RORA: variants seen among roughly 807,000 people sequenced by gnomAD.
The protein encoded by RORA is nuclear receptor ROR-alpha.
In RORA, 7 loss-of-function variants were observed where a neutral mutation model predicts 69.5. The observed-to-expected ratio is 0.10, with a 90% CI of 0.06 to 0.19. RORA has a LOEUF of 0.19. Ranked by LOEUF, RORA falls within the 10% of genes least tolerant of loss-of-function variation. The pLI is 1.00. For synonymous variants in RORA, 261 were observed against 240.8 expected (o/e 1.08, Z -0.78); for missense variants, 457 against 663.0 (o/e 0.69, Z 3.41).
intron 1 of RORA, among the ~76,000 whole-genome samples, chr15:60,922,680 GA>G (rs1456484810): frequency 3.3e-5 from 5 of 152,154 alleles, no homozygotes; most frequent in African/African-American, 1.2e-4. Context: ...CAATAGATAG[GA>G]AAGCTGTTTA....
intron 1 of RORA, among the ~76,000 whole-genome samples, chr15:60,861,158 G>A (rs2073432588): frequency 6.6e-6 from 1 of 152,114 alleles, no homozygotes; most frequent in South Asian, 2.1e-4. Context: ...ATCCTTATTG[G>A]AATTGACAAT....
chr15:60,510,825 C>A (rs532822526), intron 5 of RORA, among the ~76,000 whole-genome samples: 1 of 151,414 alleles, frequency 6.6e-6, no homozygotes, highest in South Asian at 2.1e-4. Flanking sequence ...AAACTCTGCC[C>A]TGGGCAAAAA....
intron 1 of RORA, among the ~76,000 whole-genome samples, chr15:61,100,839 C>T (rs2078868843): frequency 6.6e-6 from 1 of 152,310 alleles, no homozygotes; most frequent in African/African-American, 2.4e-5. Flanking sequence ...TTAATCACAT[C>T]CCCGGTATGT....
intron 1 of RORA, among the ~76,000 whole-genome samples, chr15:61,203,901 G>A (rs1567036187): frequency 6.6e-6 from 1 of 152,234 alleles, no homozygotes; most frequent in Non-Finnish European, 1.5e-5. Context: ...CCACTGCCAA[G>A]CCGTTGACAA....
At chr15:61,111,946 A>G (rs1302896568) in intron 1 of RORA, among the ~76,000 whole-genome samples, 1 of 152,114 alleles carries the variant, frequency 6.6e-6, no homozygotes, top group East Asian at 1.9e-4. Flanking sequence ...CAATTCAACT[A>G]ATTTATCGAG....
At chr15:60,533,090 A>T (rs1413509698) in intron 2 of RORA, among the ~76,000 whole-genome samples, 1 of 152,232 alleles carries the variant, frequency 6.6e-6, no homozygotes, top group African/African-American at 2.4e-5. Flanking sequence ...GTGATGTTGC[A>T]TTCGATACTT....
intron 1 of RORA, among the ~76,000 whole-genome samples, chr15:60,918,718 G>C (rs76667276): frequency 6.6e-6 from 1 of 152,158 alleles, no homozygotes; most frequent in Non-Finnish European, 1.5e-5. Context: ...GAATGTAGTT[G>C]TGCAGGTTTG....
intron 1 of RORA, among the ~76,000 whole-genome samples, chr15:61,151,934 C>G (rs1372096397): frequency 6.6e-6 from 1 of 152,122 alleles, no homozygotes; most frequent in Non-Finnish European, 1.5e-5. Context: ...TCGCCAGGCC[C>G]ATATCACAAA....
intron 1 of RORA, among the ~76,000 whole-genome samples, chr15:61,064,765 A>G (rs1213105079): frequency 1.3e-5 from 2 of 152,186 alleles, no homozygotes; most frequent in South Asian, 2.1e-4. Context: ...ATGAAAAGCT[A>G]CTGCCCAATC....
chr15:61,229,175 G>C lies in RORA; in HGVS notation c.44C>G (p.Pro15Arg). The C allele has an allele frequency of 6.4e-7, 1 of 1,555,002 alleles. No homozygotes were observed. The highest frequency in any genetic ancestry group is 8.7e-7 in the Non-Finnish European group (1 of 1,151,348). The part of the protein sequence containing the change: ...PAAPDPAASE[P>R]GSSGADAAAG... ...GGCCGCGTCCGCGCCGCTGCTGCCTGGCTCGCTGGCGGCGGGGTCGGGGGC... is the reference window on the plus strand; with the variant it reads ...GGCCGCGTCCGCGCCGCTGCTGCCTCGCTCGCTGGCGGCGGGGTCGGGGGC... Residue 15 changes from proline to arginine, a missense_variant, in exon 1 of 11, where the codon CCA becomes CGA. Physicochemically the swap from Pro to Arg is moderately radical, Grantham distance 103. Coordinates refer to ENST00000335670, the MANE Select transcript of RORA (RefSeq NM_134261.3).
intron 1 of RORA, among the ~76,000 whole-genome samples, chr15:61,079,426 C>T (rs1018563789): frequency 1.3e-5 from 2 of 152,052 alleles, no homozygotes; most frequent in South Asian, 2.1e-4. Context: ...GACTTTATTC[C>T]CCTGATGGCA....
Position 60,531,521 on chromosome 15 carries a change from G to C in RORA, c.282+245C>G, listed in dbSNP as rs896485630. 2.4e-6 allele frequency: 1 copy of C among 412,642 alleles called. No individual in the cohort carries two copies. Among genetic ancestry groups the C allele is most frequent in the Non-Finnish European group, 4.2e-6 (1 of 236,654 alleles). 25.6% of individuals were successfully genotyped at this position (412,642 alleles called of 1,614,324 possible). The stretch of plus-strand genomic sequence containing the variant: ...TGCTCATGAGTTCAACTCTGGGGTT[G>C]AAAGTGATAAACAAGCAATGCTCAA... On this transcript the variant is annotated intron_variant, in intron 3 of 10. Transcript: ENST00000335670. The surrounding 1 kb of genome is among the most constrained non-coding windows in gnomAD (Gnocchi z 4.8).
intron 2 of RORA, among the ~76,000 whole-genome samples, chr15:60,581,349 C>T (rs145842423): frequency 6.6e-6 from 1 of 152,150 alleles, no homozygotes; most frequent in Non-Finnish European, 1.5e-5. Context: ...TTCTGTTTTA[C>T]GAGATTTTGC....
chr15:61,162,961 G>T (rs1231514039), intron 1 of RORA, among the ~76,000 whole-genome samples: 2 of 152,164 alleles, frequency 1.3e-5, no homozygotes, highest in Non-Finnish European at 2.9e-5. Flanking sequence ...GTCACTCACC[G>T]CACTCAGCAG....
chr15:60,701,293 G>C (rs2070977882), intron 1 of RORA, among the ~76,000 whole-genome samples: 2 of 152,276 alleles, frequency 1.3e-5, no homozygotes, highest in South Asian at 4.2e-4. Context: ...TGTGCCTTCA[G>C]GAAAGGTACA....
At chr15:61,134,941 T>G (rs1182282124) in intron 1 of RORA, among the ~76,000 whole-genome samples, 1 of 151,968 alleles carries the variant, frequency 6.6e-6, no homozygotes, top group East Asian at 1.9e-4. Flanking sequence ...AAAAATACCC[T>G]TCCAGGCCAC....
chr15:60,562,681 C>T (rs946891208), intron 2 of RORA, among the ~76,000 whole-genome samples: 3 of 150,134 alleles, frequency 2.0e-5, no homozygotes, highest in Non-Finnish European at 3.0e-5. Context: ...CTCCTGACCT[C>T]GTGATCCACC....
intron 1 of RORA, among the ~76,000 whole-genome samples, chr15:60,803,263 C>G (rs764025098): frequency 3.9e-5 from 6 of 152,194 alleles, no homozygotes; most frequent in Non-Finnish European, 7.3e-5. Context: ...CGTGCACATC[C>G]TGAGCTTCGG....
At chr15:60,734,299 CCT>C (rs1271444654) in intron 1 of RORA, among the ~76,000 whole-genome samples, 2 of 152,092 alleles carry the variant, frequency 1.3e-5, no homozygotes, top group Non-Finnish European at 2.9e-5. Context: ...GGAGATGGGG[CCT>C]CTCAGTGATT....
Sources: allele counts gnomAD v4.1 joint callset (sites outside exome capture counted in the v4.1 genomes callset), GRCh38; gene constraint gnomAD v4.1.1; non-coding constraint Gnocchi (gnomAD v3.1); transcripts MANE v1.5; gene names NCBI Gene and HGNC (gene_info 2026-07-23, HGNC 2026-07-21).